MYO5B: variants seen among roughly 807,000 people sequenced by gnomAD.
MYO5B encodes the protein unconventional myosin-Vb.
Under a neutral mutation model 229.3 loss-of-function variants are expected in MYO5B, and 143 were observed. The ratio of observed to expected loss-of-function variants is 0.62; its 90% CI spans 0.54 to 0.72. MYO5B has a LOEUF of 0.72. Among genes scored for constraint, MYO5B ranks in the 30% least tolerant of loss-of-function variants. The pLI, the probability that MYO5B is intolerant of heterozygous loss-of-function variation, is 0.00. For synonymous variants in MYO5B, 918 were observed against 885.2 expected (o/e 1.04, Z -0.66); for missense variants, 2,321 against 2,331.0 (o/e 1.00, Z 0.09).
At chr18:50,070,254 C>T (rs569356166) in intron 1 of MYO5B, among the ~76,000 whole-genome samples, 1 of 152,110 alleles carries the variant, frequency 6.6e-6, no homozygotes, top group South Asian at 2.1e-4. Flanking sequence ...GAACTCCTGA[C>T]CTCAGGTGAT....
chr18:50,023,891 T>C (rs1358971107), intron 4 of MYO5B, among the ~76,000 whole-genome samples: 2 of 152,162 alleles, frequency 1.3e-5, no homozygotes, highest in South Asian at 2.1e-4. Context: ...CCCTGTCCTA[T>C]GCTGTTTGAC....
chr18:50,098,427 T>C (rs1437046134), intron 1 of MYO5B, among the ~76,000 whole-genome samples: 1 of 152,158 alleles, frequency 6.6e-6, no homozygotes, highest in Non-Finnish European at 1.5e-5. Flanking sequence ...AAGAGTCCCA[T>C]CAAAATCAAT....
At chr18:50,174,078 C>T (rs986845399) in intron 1 of MYO5B, among the ~76,000 whole-genome samples, 4 of 152,070 alleles carry the variant, frequency 2.6e-5, no homozygotes, top group Non-Finnish European at 5.9e-5. Flanking sequence ...AGAAGGAGGG[C>T]AAATTCTCTC....
intron 8 of MYO5B, among the ~76,000 whole-genome samples, chr18:49,980,840 G>T (rs1206638013): frequency 1.3e-5 from 2 of 152,220 alleles, no homozygotes; most frequent in Non-Finnish European, 2.9e-5. Flanking sequence ...GCAAAGCAGA[G>T]GCAGCAATCC....
chr18:49,943,855 G>T (rs1190901956), intron 14 of MYO5B, among the ~76,000 whole-genome samples: 1 of 152,156 alleles, frequency 6.6e-6, no homozygotes, highest in Non-Finnish European at 1.5e-5. Context: ...CTAAATCGGG[G>T]GTCTGGGATG....
chr18:49,972,688 G>A (rs1038720026), intron 10 of MYO5B, among the ~76,000 whole-genome samples: 24 of 151,496 alleles, frequency 1.6e-4, no homozygotes, highest in African/African-American at 5.8e-4. Context: ...ACTCAAAGTA[G>A]AGAGATCAAC....
At chr18:50,138,455 G>A (rs933794583) in intron 1 of MYO5B, among the ~76,000 whole-genome samples, 1 of 152,196 alleles carries the variant, frequency 6.6e-6, no homozygotes, top group Non-Finnish European at 1.5e-5. Flanking sequence ...GCTGCTTTAA[G>A]CAAGAACAGA....
chr18:50,028,487 G>A lies in MYO5B; in HGVS notation c.455+8363C>T, dbSNP rs922398081. Among the ~76,000 whole-genome samples the A allele has an allele frequency of 4.6e-5, 7 of 152,116 alleles. No individual in the cohort carries two copies. In the East Asian group the frequency reaches 9.6e-4, roughly 21 times the overall value. ...AGCCATGCTCATAAGGAATGGCAGT[G>A]GGGGGAGCCAGGAGGCTTGGGCCAG... On this transcript the variant is annotated intron_variant, in intron 4 of 39. Transcript: ENST00000285039.
intron 1 of MYO5B, among the ~76,000 whole-genome samples, chr18:50,091,968 C>A (rs1213477457): frequency 6.6e-6 from 1 of 152,118 alleles, no homozygotes; most frequent in Non-Finnish European, 1.5e-5. Context: ...GTCAGGGCAG[C>A]CCCATTGTGA....
intron 4 of MYO5B, among the ~76,000 whole-genome samples, chr18:50,011,420 C>G (rs1166257023): frequency 2.0e-5 from 3 of 152,190 alleles, no homozygotes; most frequent in African/African-American, 7.2e-5. Context: ...TGGTATTTCC[C>G]CAACCCAGAT....
intron 1 of MYO5B, among the ~76,000 whole-genome samples, chr18:50,102,359 GA>G (rs376769758): frequency 0.044 from 6,479 of 147,224 alleles, 143 homozygotes; most frequent in African/African-American, 0.055. Flanking sequence ...AGAACTTAAA[GA>G]AAAAAAAAAG....
chr18:49,853,077 C>T (rs961582527), intron 31 of MYO5B, among the ~76,000 whole-genome samples: 3 of 152,208 alleles, frequency 2.0e-5, no homozygotes, highest in Admixed American at 2.0e-4. Flanking sequence ...CTGGCCTAGC[C>T]ATGAGACTGG....
At chr18:49,949,583 G>C (rs1448564355) in intron 14 of MYO5B, among the ~76,000 whole-genome samples, 3 of 152,124 alleles carry the variant, frequency 2.0e-5, no homozygotes, top group Non-Finnish European at 2.9e-5. Context: ...TTGGTTGGTA[G>C]AGTATATGGG....
At chr18:49,897,174 T>A (rs2144134771) in intron 21 of MYO5B, among the ~76,000 whole-genome samples, 1 of 152,250 alleles carries the variant, frequency 6.6e-6, no homozygotes, top group African/African-American at 2.4e-5. Context: ...GACATCTGAC[T>A]TCAGAAGGAC....
rs201797849 is a variant in MYO5B, at chr18:49,915,177, T to TA, written c.2091-3005dup. On this transcript the variant is annotated intron_variant, in intron 17 of 39. Transcript: ENST00000285039. ...TATGTAAAATGGCTCCTTACCGTTA[T>TA]AAAATTAAGTTTGAGCTATAACTCA... Among the ~76,000 whole-genome samples, 811 of 152,324 alleles carry TA rather than the reference T, an allele frequency of 5.3e-3. 9 individuals are homozygous for TA. The highest frequency in any genetic ancestry group is 0.017 in the African/African-American group (708 of 41,560).
At chr18:49,836,444 TG>T (rs1465074723) in intron 38 of MYO5B, among the ~76,000 whole-genome samples, 2 of 152,250 alleles carry the variant, frequency 1.3e-5, no homozygotes, top group African/African-American at 4.8e-5. Context: ...CTTAACGTTT[TG>T]TGAGTTTGCT....
rs556759814 is a variant in MYO5B, at chr18:49,834,049, T to C, written c.5394+1295A>G. 2.0e-4 allele frequency among the ~76,000 whole-genome samples: 30 copies of C among 152,354 alleles called. No homozygotes were observed. The South Asian group carries it at 5.8e-3, about 29-fold the overall frequency. ...TGGCCTCTGTTCCCTACTTAGATGC[T>C]GGGCTAAAGTTCATTTAGGCTTTTT... On this transcript the variant is annotated intron_variant, in intron 39 of 39. Transcript: ENST00000285039.
At chr18:50,119,266 C>T (rs774531634) in intron 1 of MYO5B, among the ~76,000 whole-genome samples, 10 of 152,174 alleles carry the variant, frequency 6.6e-5, no homozygotes, top group Non-Finnish European at 1.0e-4. Flanking sequence ...AGGGGCTCCT[C>T]CAACAGCATT....
At chr18:49,961,319 G>C (rs969106790) in intron 12 of MYO5B, among the ~76,000 whole-genome samples, 13 of 152,210 alleles carry the variant, frequency 8.5e-5, no homozygotes, top group African/African-American at 2.4e-4. Context: ...CATCTCTAGT[G>C]AAATGCTAAA....
Sources: allele counts gnomAD v4.1 joint callset (sites outside exome capture counted in the v4.1 genomes callset), GRCh38; gene constraint gnomAD v4.1.1; transcripts MANE v1.5; gene names NCBI Gene and HGNC (gene_info 2026-07-23, HGNC 2026-07-21).